Variants in ZNF596 observed in about 807,000 individuals in gnomAD.
ZNF596 encodes the protein zinc finger protein 596.
ZNF596 carries 45 observed loss-of-function variants against 48.3 expected under a neutral mutation model. The ratio of observed to expected loss-of-function variants is 0.93; its 90% CI spans 0.73 to 1.19. The LOEUF (loss-of-function observed/expected upper bound fraction) is 1.19, where lower values mean the gene tolerates loss of function less well. ZNF596 is among the 50% of genes most tolerant of loss of function. ZNF596 has a pLI of 0.00. For missense variants in ZNF596, 848 were observed against 599.7 expected (o/e 1.41, Z -4.32); for synonymous variants, 270 against 202.0 (o/e 1.34, Z -2.85).
At chr8:244,411 T>A in intron 4 of ZNF596, 1 of 554,204 alleles carries the variant, frequency 1.8e-6, no homozygotes, top group Non-Finnish European at 3.1e-6. Context: ...AATTTTTCTT[T>A]CCTTCCTCGA....
chr8:237,109 G>A (rs1796647719), intron 1 of ZNF596: 3 of 152,060 alleles, frequency 2.0e-5, no homozygotes, highest in Non-Finnish European at 4.4e-5. Context: ...TTTGTGGAAA[G>A]TAATATACAT....
In ZNF596 at chr8:246,119, C is replaced by T. The variant is rs756701581; in HGVS notation, c.1272C>T (p.Cys424=). ...TGEKPYECHL[C]GKAFNHSSVL... ...AAAAACCATATGAATGCCATCTATGCGGAAAAGCCTTCAATCACTCTTCTG... is the reference window on the plus strand; with the variant it reads ...AAAAACCATATGAATGCCATCTATGTGGAAAAGCCTTCAATCACTCTTCTG... The change falls in exon 6 of 6, where the codon TGC becomes TGT. Residue 424 remains cysteine, a synonymous_variant. Coordinates refer to ENST00000398612, the MANE Select transcript of ZNF596 (RefSeq NM_001042416.3). 39 of 1,611,240 alleles carry T rather than the reference C, an allele frequency of 2.4e-5. No homozygotes were observed. The highest frequency in any genetic ancestry group is 1.2e-4 in the African/African-American group (9 of 74,186).
In ZNF596 at chr8:246,057, T is replaced by G; in HGVS notation, c.1210T>G (p.Ser404Ala). The change falls in exon 6 of 6, where the codon TCT (serine) becomes GCT (alanine). Residue 404 changes from serine to alanine, a missense_variant. By Grantham distance (99) the Ser-to-Ala change is moderately conservative. Transcript: ENST00000398612. ...ATGTGGGAAAGCCTTCACTGAATCT[T>G]CTGACCTCAGACGACATGAGAGAAC... ...HVCGKAFTES[S>A]DLRRHERTHT... 1 of 1,614,180 alleles carries G rather than the reference T, an allele frequency of 6.2e-7. No homozygotes were observed. Among genetic ancestry groups the G allele is most frequent in the African/African-American group, 1.3e-5 (1 of 75,062 alleles).
In ZNF596 at chr8:246,083, T is replaced by TCA; in HGVS notation, c.1240_1241dup (p.Gly415LeufsTer89). 6.2e-7 allele frequency: 1 copy of TCA among 1,613,994 alleles called. No individual in the cohort carries two copies. The highest frequency in any genetic ancestry group is 8.5e-7 in the Non-Finnish European group (1 of 1,179,858). The stretch of plus-strand genomic sequence containing the variant: ...CTGACCTCAGACGACATGAGAGAAC[T>TCA]CACACTGGAGAAAAACCATATGAAT... On this transcript the variant is annotated frameshift_variant, in exon 6 of 6. Transcript: ENST00000398612. LOFTEE classifies it high-confidence loss of function.
At position 236,364 on chromosome 8, in the gene ZNF596, A is replaced by G. The variant is rs543059757; in HGVS notation, c.-73+3670A>G. On this transcript the variant is annotated intron_variant, in intron 1 of 5. Coordinates refer to ENST00000398612, the MANE Select transcript of ZNF596 (RefSeq NM_001042416.3). ...GTTTACAGTCACGTCATCTGAGAAT[A>G]ACTACAGTTGCAGCTCTTTGACTCC... Among the ~76,000 whole-genome samples the G allele has an allele frequency of 2.0e-5, 3 of 152,326 alleles. No homozygotes were observed. In the South Asian group the frequency reaches 6.2e-4, roughly 32 times the overall value.
Position 246,279 on chromosome 8 carries a change from C to T in ZNF596, c.1432C>T (p.Pro478Ser), listed in dbSNP as rs868196242. The change falls in exon 6 of 6, where the codon CCT becomes TCT. Residue 478 changes from proline (P) to serine (S), a missense_variant. Transcript: ENST00000398612. ...VHTGEKPYVC[P>S]LCGKAFSKFF... is the part of the protein sequence containing the mutation. ...CACTGGAGAGAAACCATATGTATGTCCTCTATGTGGGAAAGCCTTTAGTAA... is the reference window on the plus strand; with the variant it reads ...CACTGGAGAGAAACCATATGTATGTTCTCTATGTGGGAAAGCCTTTAGTAA... The T allele has an allele frequency of 6.2e-7, 1 of 1,611,702 alleles. No individual in the cohort carries two copies. The highest frequency in any genetic ancestry group is 1.1e-5 in the South Asian group (1 of 90,448).
rs1797011567 is a variant in ZNF596, at chr8:245,160, C to T, written c.313C>T (p.His105Tyr). 23 of 1,580,454 alleles carry T rather than the reference C, an allele frequency of 1.5e-5. No individual in the cohort carries two copies. The highest frequency in any genetic ancestry group is 1.9e-5 in the Non-Finnish European group (22 of 1,164,112). Residue 105 changes from histidine (H) to tyrosine (Y), a missense_variant, in exon 6 of 6, where the codon CAT becomes TAT. Coordinates refer to ENST00000398612, the MANE Select transcript of ZNF596 (RefSeq NM_001042416.3). ...ATTTCATTCCCAAAACCAGAGATCT[C>T]ATACTCAAGAGGATCCTTTTCTATG... Reference protein sequence around the residue: ...GTSTISTMRSHTQEDPFLCND... With the variant: ...GTSTISTMRSYTQEDPFLCND...
chr8:245,797 G>C lies in ZNF596; in HGVS notation c.950G>C (p.Ser317Thr), dbSNP rs1406984816. 6.2e-7 allele frequency: 1 copy of C among 1,614,034 alleles called. No individual in the cohort carries two copies. Among genetic ancestry groups the C allele is most frequent in the Admixed American group, 1.7e-5 (1 of 60,000 alleles). Residue 317 changes from serine to threonine, a missense_variant, in exon 6 of 6, where the codon AGT becomes ACT. By Grantham distance (58) the Ser-to-Thr change is moderately conservative. Transcript: ENST00000398612. ...YGCLLCGKAF[S>T]KCSYLRQHER... is the part of the protein sequence containing the mutation. ...TGTCTCCTATGTGGGAAGGCTTTCA[G>C]TAAATGTTCTTACCTTAGACAACAT...
chr8:242,748 T>C (rs1004780655), intron 2 of ZNF596, 139 bp from the exon 3 acceptor site: 37 of 681,362 alleles, frequency 5.4e-5, no homozygotes, highest in Non-Finnish European at 7.0e-5. Flanking sequence ...TTTAAAGCAA[T>C]GTGACAGGAA....
At chr8:243,525 G>A (rs1417138848) in intron 3 of ZNF596, 197 bp from the exon 4 acceptor site, 3 of 455,230 alleles carry the variant, frequency 6.6e-6, no homozygotes, top group East Asian at 3.6e-5. Context: ...GCAATTATAG[G>A]TCTTTTATGT....
intron 3 of ZNF596, chr8:243,280 A>G (rs952415213): frequency 6.1e-6 from 2 of 326,694 alleles, no homozygotes; most frequent in African/African-American, 2.1e-5. Flanking sequence ...CCAAACTCAG[A>G]AAAGTTATGG....
chr8:241,616 T>G (rs1796856693), intron 2 of ZNF596, among the ~76,000 whole-genome samples: 1 of 152,114 alleles, frequency 6.6e-6, no homozygotes, highest in Non-Finnish European at 1.5e-5. Flanking sequence ...GGAAACAGAG[T>G]AAATTTAAAA....
At chr8:237,934 C>T (rs1156765709) in intron 1 of ZNF596, among the ~76,000 whole-genome samples, 1 of 152,192 alleles carries the variant, frequency 6.6e-6, no homozygotes, top group Non-Finnish European at 1.5e-5. Flanking sequence ...TCTCATTTGG[C>T]ATAACTCAGC....
chr8:235,838 A>G (rs1563062112), intron 1 of ZNF596, among the ~76,000 whole-genome samples: 2 of 152,226 alleles, frequency 1.3e-5, no homozygotes, highest in African/African-American at 2.4e-5. Flanking sequence ...ATAAATATTT[A>G]TATGACTTAT....
intron 1 of ZNF596, 136 bp downstream of exon 1, chr8:232,830 C>T (rs1032856353): frequency 5.0e-5 from 22 of 441,682 alleles, no homozygotes; most frequent in African/African-American, 3.0e-4. Context: ...CCAGGCCCTA[C>T]GTCTCCGCAA....
intron 1 of ZNF596, among the ~76,000 whole-genome samples, chr8:238,495 G>C (rs1235539053): frequency 6.6e-6 from 1 of 151,770 alleles, no homozygotes; most frequent in Non-Finnish European, 1.5e-5. Context: ...TCCAATAATT[G>C]ACCATAAAGA....
At chr8:241,502 T>G (rs1471100088) in intron 2 of ZNF596, among the ~76,000 whole-genome samples, 3 of 152,230 alleles carry the variant, frequency 2.0e-5, no homozygotes, top group Admixed American at 2.0e-4. Context: ...ATTAAAATTC[T>G]TATTACCCTT....
rs369535441 is a variant in ZNF596 at position 240,848 on chromosome 8, G to T, written c.-48G>T. On this transcript the variant is annotated 5_prime_UTR_variant, in exon 2 of 6. Transcript: ENST00000398612. The stretch of plus-strand genomic sequence containing the variant: ...GATTTGTCTTCTTAGTGCTTGGATG[G>T]TGTGAGTGAAAACCCAGAGGAATAC... 6.2e-6 allele frequency: 10 copies of T among 1,612,414 alleles called. No individual in the cohort carries two copies. In the African/African-American group the frequency reaches 1.1e-4, roughly 17 times the overall value.
At chr8:239,604 G>C (rs997731326) in intron 1 of ZNF596, among the ~76,000 whole-genome samples, 2 of 152,134 alleles carry the variant, frequency 1.3e-5, no homozygotes, top group Non-Finnish European at 2.9e-5. Flanking sequence ...TATTACATAT[G>C]AACAGCCAGC....
Sources: gnomAD v4.1 joint callset for allele counts (sites outside exome capture counted in the v4.1 genomes callset) on GRCh38, gnomAD v4.1.1 for gene constraint, MANE v1.5 for transcripts, NCBI Gene and HGNC (gene_info 2026-07-23, HGNC 2026-07-21) for gene names.